SUPT20H: variants seen among roughly 807,000 people sequenced by gnomAD.
SUPT20H encodes the protein transcription factor SPT20 homolog.
A neutral mutation model predicts 122.8 loss-of-function variants in SUPT20H; 82 were observed. The ratio of observed to expected loss-of-function variants is 0.67; its 90% CI spans 0.56 to 0.80. SUPT20H has a LOEUF of 0.80. Among genes scored for constraint, SUPT20H ranks in the 30% least tolerant of loss-of-function variants. The pLI is 0.00. For synonymous variants in SUPT20H, 291 were observed against 313.0 expected (o/e 0.93, Z 0.74); for missense variants, 831 against 921.6 (o/e 0.90, Z 1.27).
intron 23 of SUPT20H, among the ~76,000 whole-genome samples, chr13:37,015,817 G>A (rs909764384): frequency 9.9e-5 from 15 of 152,048 alleles, no homozygotes; most frequent in African/African-American, 3.4e-4. Context: ...ACAAAATATG[G>A]TATATACAAG....
At chr13:37,011,880 T>C (rs1044694613) in intron 24 of SUPT20H, among the ~76,000 whole-genome samples, 6 of 152,170 alleles carry the variant, frequency 3.9e-5, no homozygotes, top group Admixed American at 1.3e-4. Flanking sequence ...ACAAAAAAGT[T>C]ATTAATTAAG....
intron 5 of SUPT20H, chr13:37,047,027 C>T (rs1282705428): frequency 6.6e-6 from 1 of 152,342 alleles, no homozygotes; most frequent in African/African-American, 2.4e-5. Context: ...TACATGTCTA[C>T]TACCCATATC....
intron 24 of SUPT20H, 46 bp from the exon 25 acceptor site, chr13:37,010,701 G>A (rs7317750): frequency 0.87 from 1,293,602 of 1,479,348 alleles, 568,108 homozygotes; most frequent in East Asian, 1. Context: ...AAAGTTTGAA[G>A]GCTACCAGGG....
At chr13:37,037,404 T>C (rs1383382774) in intron 9 of SUPT20H, among the ~76,000 whole-genome samples, 1 of 152,226 alleles carries the variant, frequency 6.6e-6, no homozygotes, top group African/African-American at 2.4e-5. Flanking sequence ...CTTGCTTTAT[T>C]GCAGTATTTG....
At chr13:37,049,785 C>A (rs1225190204) in intron 2 of SUPT20H, among the ~76,000 whole-genome samples, 1 of 152,040 alleles carries the variant, frequency 6.6e-6, no homozygotes, top group African/African-American at 2.4e-5. Context: ...CCCAAATATA[C>A]CACCAGTGGT....
chr13:37,011,742 A>G (rs527800023), intron 24 of SUPT20H, among the ~76,000 whole-genome samples: 12 of 152,144 alleles, frequency 7.9e-5, no homozygotes, highest in South Asian at 6.2e-4. Flanking sequence ...TTTTTTTTAA[A>G]TGATAAAAGT....
chr13:37,043,060 A>G (rs1270303426), intron 7 of SUPT20H, among the ~76,000 whole-genome samples: 2 of 152,192 alleles, frequency 1.3e-5, no homozygotes, highest in Non-Finnish European at 2.9e-5. Context: ...CAGATTTGAG[A>G]TGCTCAACCT....
At chr13:37,010,786 G>A (rs1444761372) in intron 24 of SUPT20H, 131 bp from the exon 25 acceptor site, 5 of 619,652 alleles carry the variant, frequency 8.1e-6, no homozygotes, top group Non-Finnish European at 1.4e-5. Context: ...TCAAATCATA[G>A]ACATTTCAGA....
intron 25 of SUPT20H, among the ~76,000 whole-genome samples, chr13:37,010,277 T>C (rs955890615): frequency 2.6e-5 from 4 of 152,234 alleles, no homozygotes; most frequent in Non-Finnish European, 5.9e-5. Flanking sequence ...CACTTACAAC[T>C]GTCTTTCAAA....
Position 37,023,895 on chromosome 13 carries a change from T to C in SUPT20H, c.1591+140A>G, listed in dbSNP as rs1318639351. On this transcript the variant is annotated intron_variant, in intron 19 of 25. Coordinates refer to ENST00000350612, the MANE Select transcript of SUPT20H (RefSeq NM_001014286.3). The stretch of plus-strand genomic sequence containing the variant: ...ACATACAATCAACAAGAGCTCTGCC[T>C]GAAGCTTCTAGCAACTTATACATTT... The C allele has an allele frequency of 1.2e-5, 9 of 772,018 alleles. No homozygotes were observed. The East Asian group carries it at 2.3e-4, about 20-fold the overall frequency. 47.8% of individuals were successfully genotyped at this position (772,018 alleles called of 1,614,324 possible).
rs759089756 is a variant in SUPT20H at position 37,031,848 on chromosome 13, A to G, written c.755T>C (p.Leu252Pro). 10 of 1,605,324 alleles carry G rather than the reference A, an allele frequency of 6.2e-6. No individual in the cohort carries two copies. In the African/African-American group the frequency reaches 1.2e-4, roughly 19 times the overall value. The change falls in exon 11 of 26, where the codon CTA becomes CCA. Residue 252 changes from leucine to proline, a missense_variant. Coordinates refer to ENST00000350612, the MANE Select transcript of SUPT20H (RefSeq NM_001014286.3). Reference protein sequence around the residue: ...SRSSLNRQQDLSHCPPPPQLR... With the variant: ...SRSSLNRQQDPSHCPPPPQLR... ...CTGAGGAGGAGGTGGACAATGAGAT[A>G]GATCTTGCTGCCGATTCAGAGAGGA...
intron 22 of SUPT20H, among the ~76,000 whole-genome samples, chr13:37,017,838 G>C (rs1446487323): frequency 6.6e-6 from 1 of 152,224 alleles, no homozygotes; most frequent in East Asian, 1.9e-4. Context: ...AAGCTGAAAA[G>C]AAAGTGCATT....
intron 23 of SUPT20H, among the ~76,000 whole-genome samples, chr13:37,014,542 A>C (rs1246564198): frequency 6.6e-6 from 1 of 152,178 alleles, no homozygotes; most frequent in Non-Finnish European, 1.5e-5. Context: ...CAGTGGATTT[A>C]AACTAGAAAT....
intron 7 of SUPT20H, among the ~76,000 whole-genome samples, chr13:37,042,369 A>T (rs1429211236): frequency 6.6e-6 from 1 of 152,216 alleles, no homozygotes; most frequent in East Asian, 1.9e-4. Context: ...TATAAGCAAT[A>T]GACTAAGTAA....
At chr13:37,014,104 G>C (rs1387781590) in intron 23 of SUPT20H, among the ~76,000 whole-genome samples, 3 of 151,664 alleles carry the variant, frequency 2.0e-5, no homozygotes, top group African/African-American at 7.3e-5. Flanking sequence ...AAAACTAAAA[G>C]GATGAAAAAA....
At chr13:37,055,134 A>T (rs1188700316) in intron 1 of SUPT20H, among the ~76,000 whole-genome samples, 3 of 152,254 alleles carry the variant, frequency 2.0e-5, no homozygotes, top group African/African-American at 7.2e-5. Flanking sequence ...AAACAAATGG[A>T]AGAACATTCC....
At chr13:37,014,543 A>T (rs1219990546) in intron 23 of SUPT20H, among the ~76,000 whole-genome samples, 3 of 152,186 alleles carry the variant, frequency 2.0e-5, no homozygotes, top group Non-Finnish European at 4.4e-5. Context: ...AGTGGATTTA[A>T]ACTAGAAATC....
At chr13:37,058,492 T>C (rs1479316428) in intron 1 of SUPT20H, among the ~76,000 whole-genome samples, 1 of 152,202 alleles carries the variant, frequency 6.6e-6, no homozygotes, top group Non-Finnish European at 1.5e-5. Flanking sequence ...ACTTTAAGAT[T>C]TCTTGTCACT....
chr13:37,021,923 T>C (rs2061507014), intron 20 of SUPT20H, 88 bp downstream of exon 20: 1 of 1,418,352 alleles, frequency 7.1e-7, no homozygotes, highest in Admixed American at 2.3e-5. Context: ...AATATGCGGT[T>C]TGTTCTTAAT....
Sources: gnomAD v4.1 joint callset for allele counts (sites outside exome capture counted in the v4.1 genomes callset) on GRCh38, gnomAD v4.1.1 for gene constraint, MANE v1.5 for transcripts, NCBI Gene and HGNC (gene_info 2026-07-23, HGNC 2026-07-21) for gene names.